Variants in SYNGR4 observed in about 807,000 individuals in gnomAD.
The protein encoded by SYNGR4 is synaptogyrin 4.
Under a neutral mutation model 15.5 loss-of-function variants are expected in SYNGR4, and 15 were observed. That is an observed-to-expected ratio of 0.97 (90% CI 0.65 to 1.49). SYNGR4 has a LOEUF of 1.49. Ranked by LOEUF, SYNGR4 falls within the 40% of genes most tolerant of loss-of-function variation. The pLI is 0.00. For synonymous variants in SYNGR4, 121 were observed against 127.4 expected, an observed-to-expected ratio of 0.95 and a Z score of 0.34; for missense variants, 292 against 299.3, an observed-to-expected ratio of 0.98 and a Z score of 0.18.
At position 48,376,324 on chromosome 19, in the gene SYNGR4, C is replaced by T; in HGVS notation, c.*6C>T. On this transcript the variant is annotated 3_prime_UTR_variant, in exon 5 of 5. Coordinates refer to ENST00000344846, the MANE Select transcript of SYNGR4 (RefSeq NM_012451.4). ...CTATGATGCCTGACAACTAAATATC[C>T]TTATCCAAATCAATAAAGAGAGAAT... 1 of 1,612,596 alleles carries T rather than the reference C, an allele frequency of 6.2e-7. No individual in the cohort carries two copies. Among genetic ancestry groups the T allele is most frequent in the East Asian group, 2.2e-5 (1 of 44,834 alleles).
At chr19:48,367,129 C>CA (rs757577850) in intron 2 of SYNGR4, among the ~76,000 whole-genome samples, 1,575 of 86,962 alleles carry the variant, frequency 0.018, 14 homozygotes, top group African/African-American at 0.042. Flanking sequence ...GACTCTGTCT[C>CA]AAAAAAAAAA....
chr19:48,373,589 C>T lies in SYNGR4; in HGVS notation c.166C>T (p.His56Tyr). 1.9e-6 allele frequency: 3 copies of T among 1,613,886 alleles called. No individual in the cohort carries two copies. The highest frequency in any genetic ancestry group is 2.5e-6 in the Non-Finnish European group (3 of 1,180,028). Residue 56 changes from histidine (H) to tyrosine (Y), a missense_variant, in exon 3 of 5, where the codon CAC becomes TAC. By Grantham distance (83) the His-to-Tyr change is moderately conservative. Coordinates refer to ENST00000344846, the MANE Select transcript of SYNGR4 (RefSeq NM_012451.4). ...GAACAAGATGGAGTCTCCGCAGCTC[C>T]ACTGCATTCTCAACAGCAACAGCGT... ...YQNKMESPQL[H>Y]CILNSNSVAC...
chr19:48,376,176 C>G lies in SYNGR4; in HGVS notation c.563C>G (p.Thr188Ser). ...RFLDEGGMVLTTLPLPSANSP... is the reference protein window; with the variant it reads ...RFLDEGGMVLSTLPLPSANSP... The stretch of plus-strand genomic sequence containing the variant: ...CTGGATGAGGGTGGCATGGTGCTGA[C>G]CACCCTCCCCTTGCCCTCTGCCAAC... Residue 188 changes from threonine to serine, a missense_variant, in exon 5 of 5, where the codon ACC (threonine) becomes AGC (serine). Thr to Ser is a moderately conservative substitution (Grantham distance 58, BLOSUM62 1). Coordinates refer to ENST00000344846, the MANE Select transcript of SYNGR4 (RefSeq NM_012451.4). 1 of 1,614,122 alleles carries G rather than the reference C, an allele frequency of 6.2e-7. No homozygotes were observed. The highest frequency in any genetic ancestry group is 8.5e-7 in the Non-Finnish European group (1 of 1,180,030).
chr19:48,369,201 C>G (rs1470597239), intron 2 of SYNGR4, among the ~76,000 whole-genome samples: 4 of 151,206 alleles, frequency 2.6e-5, no homozygotes, highest in Admixed American at 1.3e-4. Flanking sequence ...CTCTTGTCCT[C>G]GCTGCCGCCT....
chr19:48,375,934 C>T, intron 4 of SYNGR4, 151 bp from the exon 5 acceptor site: 1 of 1,522,600 alleles, frequency 6.6e-7, no homozygotes, highest in South Asian at 1.2e-5. Flanking sequence ...AGCCCAGCAT[C>T]AGGGCCTGTG....
chr19:48,368,174 G>A (rs867978837), intron 2 of SYNGR4, among the ~76,000 whole-genome samples: 5 of 152,268 alleles, frequency 3.3e-5, no homozygotes, highest in African/African-American at 1.2e-4. Context: ...TGCCCCTTTG[G>A]TTTGATGGCT....
chr19:48,375,794 C>T, intron 4 of SYNGR4, 42 bp downstream of exon 4: 1 of 1,595,826 alleles, frequency 6.3e-7, no homozygotes, highest in South Asian at 1.1e-5. Flanking sequence ...AGGAGGGCAC[C>T]CTCTGCAGGG....
At chr19:48,371,052 G>A (rs766596846) in intron 2 of SYNGR4, among the ~76,000 whole-genome samples, 6 of 152,068 alleles carry the variant, frequency 3.9e-5, no homozygotes, top group Non-Finnish European at 5.9e-5. Flanking sequence ...CCCCAAGTCC[G>A]GCTCCTGGCC....
chr19:48,373,366 C>T, intron 2 of SYNGR4, 151 bp from the exon 3 acceptor site: 2 of 692,986 alleles, frequency 2.9e-6, no homozygotes, highest in Non-Finnish European at 5.0e-6. Flanking sequence ...GGGCAGGAAG[C>T]TGAGGGCTCT....
intron 3 of SYNGR4, 85 bp from the exon 4 acceptor site, chr19:48,375,528 C>A: frequency 6.6e-7 from 1 of 1,524,272 alleles, no homozygotes; most frequent in Admixed American, 2.0e-5. Flanking sequence ...GCAGCAAGAC[C>A]ACCAGCCCCA....
rs569944228 is a variant in SYNGR4 at position 48,365,740 on chromosome 19, C to T, written c.-103C>T. 19 of 1,289,616 alleles carry T rather than the reference C, an allele frequency of 1.5e-5. No individual in the cohort carries two copies. The South Asian group carries it at 2.2e-4, about 15-fold the overall frequency. The allele number at this position is 1,289,616 out of a possible 1,614,324, so 79.9% of individuals were successfully genotyped here. On this transcript the variant is annotated 5_prime_UTR_variant, in exon 2 of 5. Coordinates refer to ENST00000344846, the MANE Select transcript of SYNGR4 (RefSeq NM_012451.4). ...CCCATCTGTGTCATCCCACAGCAGC[C>T]AAGCCCAGGGCTGGCCTGAAGCCCC...
At chr19:48,365,986 G>C in intron 2 of SYNGR4, 51 bp downstream of exon 2, 3 of 1,583,304 alleles carry the variant, frequency 1.9e-6, no homozygotes, top group Non-Finnish European at 2.6e-6. Flanking sequence ...GGAGCCAGGA[G>C]CTCTCAACTC....
intron 2 of SYNGR4, among the ~76,000 whole-genome samples, chr19:48,367,166 C>T (rs1464143740): frequency 6.6e-6 from 1 of 150,814 alleles, no homozygotes; most frequent in African/African-American, 2.4e-5. Context: ...GGCACGGTGG[C>T]TCACACCTGT....
intron 2 of SYNGR4, among the ~76,000 whole-genome samples, chr19:48,367,566 C>A (rs1970241662): frequency 6.6e-6 from 1 of 152,054 alleles, no homozygotes; most frequent in Admixed American, 6.6e-5. Flanking sequence ...ATGCCAGAGC[C>A]CATTTATTTT....
chr19:48,366,270 A>G (rs1447481684), intron 2 of SYNGR4, among the ~76,000 whole-genome samples: 1 of 151,804 alleles, frequency 6.6e-6, no homozygotes, highest in African/African-American at 2.4e-5. Context: ...CACACCTGTA[A>G]TCCTAGCTAC....
At position 48,376,080 on chromosome 19, in the gene SYNGR4, C is replaced by T; in HGVS notation, c.472-5C>T. ...AGCCTTCAGCACGCGCTTTTCTGCC[C>T]ACAGATATTCCAGGCCTACCTGGCA... On this transcript the variant is annotated splice_region_variant and splice_polypyrimidine_tract_variant and intron_variant, in intron 4 of 4. Transcript: ENST00000344846. 2 of 1,614,136 alleles carry T rather than the reference C, an allele frequency of 1.2e-6. No homozygotes were observed. The highest frequency in any genetic ancestry group is 2.2e-5 in the East Asian group (1 of 44,884).
At position 48,373,572 on chromosome 19, in the gene SYNGR4, T is replaced by A. The variant is rs34282921; in HGVS notation, c.149T>A (p.Met50Lys). ...CTGACCGACGGCTACCAGAACAAGA[T>A]GGAGTCTCCGCAGCTCCACTGCATT... Reference protein sequence around the residue: ...SLLTDGYQNKMESPQLHCILN... With the variant: ...SLLTDGYQNKKESPQLHCILN... The change falls in exon 3 of 5, where the codon ATG becomes AAG. Residue 50 changes from methionine to lysine, a missense_variant. By Grantham distance (95) the Met-to-Lys change is moderately conservative. Coordinates refer to ENST00000344846, the MANE Select transcript of SYNGR4 (RefSeq NM_012451.4). 7 of 1,613,724 alleles carry A rather than the reference T, an allele frequency of 4.3e-6. No individual in the cohort carries two copies. The highest frequency in any genetic ancestry group is 1.1e-5 in the South Asian group (1 of 91,090).
chr19:48,376,093 G>A lies in SYNGR4; in HGVS notation c.480G>A (p.Gln160=). The change falls in exon 5 of 5, where the codon CAG becomes CAA. Residue 160 remains glutamine, a synonymous_variant. Coordinates refer to ENST00000344846, the MANE Select transcript of SYNGR4 (RefSeq NM_012451.4). ...CGCTTTTCTGCCCACAGATATTCCA[G>A]GCCTACCTGGCATTCCAGGACCTCC... ...TFFSILVWIF[Q]AYLAFQDLRN... 2 of 1,614,084 alleles carry A rather than the reference G, an allele frequency of 1.2e-6. No homozygotes were observed. The highest frequency in any genetic ancestry group is 8.5e-7 in the Non-Finnish European group (1 of 1,180,016).
chr19:48,368,713 C>CT (rs111599472), intron 2 of SYNGR4, among the ~76,000 whole-genome samples: 14,441 of 152,212 alleles, frequency 0.095, 2,275 homozygotes, highest in African/African-American at 0.33. Flanking sequence ...CAAATCATTA[C>CT]CGTGTGTGAG....
Sources: gnomAD v4.1 joint callset for allele counts (sites outside exome capture counted in the v4.1 genomes callset) on GRCh38, gnomAD v4.1.1 for gene constraint, MANE v1.5 for transcripts, NCBI Gene and HGNC (gene_info 2026-07-23, HGNC 2026-07-21) for gene names.